The following ARSK variants were observed in gnomAD, a reference collection of about 807,000 sequenced individuals.
ARSK encodes arylsulfatase K.
A neutral mutation model predicts 53.2 loss-of-function variants in ARSK; 37 were observed. That is an observed-to-expected ratio of 0.70 (90% confidence interval 0.54 to 0.92). The LOEUF (loss-of-function observed/expected upper bound fraction) is 0.92, where lower values mean the gene tolerates loss of function less well. ARSK is among the 40% of genes least tolerant of loss of function. The pLI, the probability that ARSK is intolerant of heterozygous loss-of-function variation, is 0.00. For synonymous variants in ARSK, 208 were observed against 223.2 expected (o/e 0.93, Z 0.61); for missense variants, 613 against 643.0 (o/e 0.95, Z 0.51).
intron 4 of ARSK, among the ~76,000 whole-genome samples, chr5:95,585,460 A>G (rs1749096154): frequency 1.3e-5 from 2 of 152,338 alleles, no homozygotes; most frequent in Non-Finnish European, 2.9e-5. Flanking sequence ...AAATTGTGGT[A>G]TATATACCAT....
chr5:95,577,933 C>G (rs1178788324), intron 3 of ARSK, among the ~76,000 whole-genome samples: 2 of 152,004 alleles, frequency 1.3e-5, no homozygotes, highest in East Asian at 3.8e-4. Flanking sequence ...AAAAATGAAA[C>G]AGTTGTAATT....
At chr5:95,573,832 G>A (rs1005244957) in intron 3 of ARSK, among the ~76,000 whole-genome samples, 3 of 152,168 alleles carry the variant, frequency 2.0e-5, no homozygotes, top group African/African-American at 7.2e-5. Context: ...GGTAAGTGGA[G>A]TATCCGTCCC....
chr5:95,586,969 G>C (rs1400730601), intron 5 of ARSK, among the ~76,000 whole-genome samples: 1 of 152,100 alleles, frequency 6.6e-6, no homozygotes, highest in Non-Finnish European at 1.5e-5. Context: ...CATAAAGAAA[G>C]GGTCACAGAA....
At chr5:95,561,986 G>A (rs952491320) in intron 1 of ARSK, among the ~76,000 whole-genome samples, 4 of 152,138 alleles carry the variant, frequency 2.6e-5, no homozygotes, top group Non-Finnish European at 5.9e-5. Flanking sequence ...AAGCCACGGC[G>A]AGCAGATCAC....
intron 1 of ARSK, among the ~76,000 whole-genome samples, chr5:95,561,924 C>T (rs2545843): frequency 0.81 from 123,109 of 152,226 alleles, 50,107 homozygotes; most frequent in East Asian, 0.89. Context: ...TTTAAAAGAA[C>T]AGAAAACAGG....
rs1470129761 is a variant in ARSK, at chr5:95,555,186, AGTT to A, written c.-89_-87del. 2 of 1,229,612 alleles carry A rather than the reference AGTT, an allele frequency of 1.6e-6. No individual in the cohort carries two copies. Among genetic ancestry groups the A allele is most frequent in the Non-Finnish European group, 2.2e-6 (2 of 893,704 alleles). 76.2% of individuals were successfully genotyped at this position (1,229,612 alleles called of 1,614,324 possible). On this transcript the variant is annotated 5_prime_UTR_variant, in exon 1 of 8. Transcript: ENST00000380009. The surrounding 1 kb of genome is among the most constrained non-coding windows in gnomAD (Gnocchi z 4.0). Reference sequence around the variant, plus strand: ...AAGCAACCAAACTGCAAGCTTTGGGAGTTGTTCGCTGTCCCTGCCCTGCTCTGC... The same window carrying A: ...AAGCAACCAAACTGCAAGCTTTGGGAGTTCGCTGTCCCTGCCCTGCTCTGC...
In ARSK at chr5:95,586,726, C is replaced by A. The variant is rs970995308; in HGVS notation, c.864C>A (p.Ala288=). 1.8e-5 allele frequency: 29 copies of A among 1,588,334 alleles called. No individual in the cohort carries two copies. The Admixed American group carries it at 5.2e-4, about 28-fold the overall frequency. Residue 288 remains alanine, a synonymous_variant, in exon 5 of 8, where the codon GCC becomes GCA. Coordinates refer to ENST00000380009, the MANE Select transcript of ARSK (RefSeq NM_198150.3). ...ATGCTATGTGTGCTGAGACAGATGCCATGCTTGGTAGGTGGTATAATTAAT... is the reference window on the plus strand; with the variant it reads ...ATGCTATGTGTGCTGAGACAGATGCAATGCTTGGTAGGTGGTATAATTAAT... The part of the protein sequence containing the change: ...FYYAMCAETD[A]MLGEIILALH...
chr5:95,558,860 G>A (rs1165124269), intron 1 of ARSK, among the ~76,000 whole-genome samples: 6 of 152,160 alleles, frequency 3.9e-5, no homozygotes, highest in African/African-American at 1.4e-4. Context: ...GACCAGTTTG[G>A]CCGGGCGCGG....
At chr5:95,597,909 G>C (rs1161344453) in intron 6 of ARSK, among the ~76,000 whole-genome samples, 2 of 149,854 alleles carry the variant, frequency 1.3e-5, no homozygotes, top group East Asian at 2.0e-4. Flanking sequence ...AAAAAAGTGG[G>C]GGGCGGGTAA....
At chr5:95,577,776 CTATCAT>C (rs1447163658) in intron 3 of ARSK, among the ~76,000 whole-genome samples, 1 of 152,078 alleles carries the variant, frequency 6.6e-6, no homozygotes, top group African/African-American at 2.4e-5. Context: ...AATATATTTA[CTATCAT>C]TATTATCATA....
intron 7 of ARSK, 110 bp downstream of exon 7, chr5:95,601,181 C>A (rs961245021): frequency 2.8e-6 from 3 of 1,053,494 alleles, no homozygotes; most frequent in South Asian, 3.1e-5. Flanking sequence ...ATATCTGCTG[C>A]TTCTCATGCT....
intron 1 of ARSK, among the ~76,000 whole-genome samples, chr5:95,562,955 A>C (rs1748667453): frequency 6.6e-6 from 1 of 152,188 alleles, no homozygotes; most frequent in Admixed American, 6.5e-5. Flanking sequence ...TCCATTGTAA[A>C]CCACATTAAC....
chr5:95,592,286 C>A (rs1424664644), intron 6 of ARSK, among the ~76,000 whole-genome samples: 8 of 151,966 alleles, frequency 5.3e-5, no homozygotes, highest in Non-Finnish European at 1.0e-4. Flanking sequence ...GGAAAAAGTA[C>A]CCTCAATTCA....
Position 95,567,871 on chromosome 5 carries a change from C to CT in ARSK, c.257-6dup, listed in dbSNP as rs77108784. ...TTAAGCTTTACCTTAATCCCAATTC[C>CT]TTTTTTTTTTTTTCTCAGCAATGTG... On this transcript the variant is annotated intron_variant, in intron 2 of 7. Coordinates refer to ENST00000380009, the MANE Select transcript of ARSK (RefSeq NM_198150.3). 0.12 allele frequency: 125,752 copies of CT among 1,017,918 alleles called. No homozygotes were observed. Among genetic ancestry groups the CT allele is most frequent in the Non-Finnish European group, 0.14 (96,877 of 717,578 alleles). The allele number at this position is 1,017,918 out of a possible 1,614,324, so 63.1% of individuals were successfully genotyped here.
intron 3 of ARSK, among the ~76,000 whole-genome samples, chr5:95,579,154 A>G (rs541934492): frequency 1.2e-3 from 184 of 152,298 alleles, no homozygotes; most frequent in African/African-American, 4.4e-3. Context: ...ATTTCTGCAG[A>G]AAAAAATTCT....
rs528009369 is a variant in ARSK, at chr5:95,575,251, T to C, written c.416+7202T>C. On this transcript the variant is annotated intron_variant, in intron 3 of 7. Coordinates refer to ENST00000380009, the MANE Select transcript of ARSK (RefSeq NM_198150.3). Reference sequence around the variant, plus strand: ...CATGCTATTTTGGTTACTAAAGCTCTGTAGTATAATTTGAAGGCAGGTAAT... The same window carrying C: ...CATGCTATTTTGGTTACTAAAGCTCCGTAGTATAATTTGAAGGCAGGTAAT... Among the ~76,000 whole-genome samples, 248 of 152,338 alleles carry C rather than the reference T, an allele frequency of 1.6e-3. 2 individuals are homozygous for C. Among genetic ancestry groups the C allele is most frequent in the African/African-American group, 5.7e-3 (239 of 41,580 alleles).
intron 5 of ARSK, among the ~76,000 whole-genome samples, chr5:95,587,318 T>C (rs993081353): frequency 2.6e-5 from 4 of 152,218 alleles, no homozygotes; most frequent in Non-Finnish European, 4.4e-5. Flanking sequence ...TGTTCACTTA[T>C]AGAGCTATGG....
At chr5:95,582,802 T>G in intron 3 of ARSK, 114 bp from the exon 4 acceptor site, 1 of 1,035,026 alleles carries the variant, frequency 9.7e-7, no homozygotes, top group Non-Finnish European at 1.4e-6. Flanking sequence ...TTCTGAACAT[T>G]TACAAGACTG....
chr5:95,588,356 C>A (rs1451075539), intron 5 of ARSK, among the ~76,000 whole-genome samples: 1 of 151,486 alleles, frequency 6.6e-6, no homozygotes, highest in Non-Finnish European at 1.5e-5. Context: ...CCTGCCTCAG[C>A]CTCCCGAGTA....
Sources: gnomAD v4.1 joint callset for allele counts (sites outside exome capture counted in the v4.1 genomes callset) on GRCh38, gnomAD v4.1.1 for gene constraint, Gnocchi (gnomAD v3.1) non-coding constraint, MANE v1.5 for transcripts, NCBI Gene and HGNC (gene_info 2026-07-23, HGNC 2026-07-21) for gene names.